IPCEF1: variants seen among roughly 807,000 people sequenced by gnomAD.
IPCEF1 encodes interaction protein for cytohesin exchange factors 1, also known as interactor protein for cytohesin exchange factors 1.
A neutral mutation model predicts 50.9 loss-of-function variants in IPCEF1; 31 were observed. The observed-to-expected ratio is 0.61, with a 90% CI of 0.46 to 0.82. The LOEUF is 0.82. Among genes scored for constraint, IPCEF1 ranks in the 40% least tolerant of loss-of-function variants. The pLI is 0.00. For synonymous variants in IPCEF1, 181 were observed against 192.0 expected (o/e 0.94, Z 0.47); for missense variants, 458 against 514.0 (o/e 0.89, Z 1.05).
chr6:154,180,995 C>T (rs1420703925), intron 10 of IPCEF1, among the ~76,000 whole-genome samples: 2 of 152,066 alleles, frequency 1.3e-5, no homozygotes, highest in African/African-American at 4.8e-5. Flanking sequence ...ACTATATAGT[C>T]ATTTGGGTAT....
intron 1 of IPCEF1, among the ~76,000 whole-genome samples, chr6:154,341,555 G>A (rs1421366368): frequency 1.3e-5 from 2 of 152,178 alleles, no homozygotes; most frequent in Non-Finnish European, 1.5e-5. Context: ...AACAAAACAC[G>A]CAGGAAGTTT....
chr6:154,238,940 AAG>A (rs1435063202), intron 5 of IPCEF1, among the ~76,000 whole-genome samples: 1 of 152,012 alleles, frequency 6.6e-6, no homozygotes, highest in East Asian at 1.9e-4. Flanking sequence ...TAAAAAAAAA[AAG>A]AAGTTGTGGA....
intron 2 of IPCEF1, among the ~76,000 whole-genome samples, chr6:154,278,521 A>G (rs1782121966): frequency 6.6e-6 from 1 of 152,020 alleles, no homozygotes. Context: ...AGCCAAGTCA[A>G]CCCCTCTCCA....
At chr6:154,225,749 G>T (rs1779199675) in intron 5 of IPCEF1, among the ~76,000 whole-genome samples, 1 of 152,182 alleles carries the variant, frequency 6.6e-6, no homozygotes, top group Non-Finnish European at 1.5e-5. Flanking sequence ...TAGGTTGTAT[G>T]ACTTTCATCT....
chr6:154,266,560 C>CTATATATATA (rs34187257), intron 2 of IPCEF1, among the ~76,000 whole-genome samples: 7,789 of 134,426 alleles, frequency 0.058, 319 homozygotes, highest in East Asian at 0.13. Context: ...CTTAATATTA[C>CTATATATATA]TATATATATA....
chr6:154,314,669 A>G (rs1037494045), intron 1 of IPCEF1, among the ~76,000 whole-genome samples: 4 of 152,292 alleles, frequency 2.6e-5, no homozygotes, highest in South Asian at 2.1e-4. Flanking sequence ...CATCTCCCCA[A>G]TTGATCTCAA....
intron 7 of IPCEF1, among the ~76,000 whole-genome samples, chr6:154,220,769 C>T (rs790266): frequency 0.47 from 71,148 of 152,074 alleles, 16,945 homozygotes; most frequent in Admixed American, 0.58. Flanking sequence ...GGAAATGGAG[C>T]TAGGGATCTA....
At chr6:154,204,659 C>A (rs893583780) in intron 9 of IPCEF1, among the ~76,000 whole-genome samples, 1 of 152,130 alleles carries the variant, frequency 6.6e-6, no homozygotes, top group Admixed American at 6.5e-5. Context: ...ATCCATGTGA[C>A]CTTGAAGAAG....
intron 1 of IPCEF1, among the ~76,000 whole-genome samples, chr6:154,326,860 A>C (rs549437859): frequency 6.6e-6 from 1 of 152,356 alleles, no homozygotes; most frequent in African/African-American, 2.4e-5. Flanking sequence ...CTGGTACAAG[A>C]ACAGACACAT....
chr6:154,316,803 G>A (rs973191164), intron 1 of IPCEF1, among the ~76,000 whole-genome samples: 2 of 152,080 alleles, frequency 1.3e-5, no homozygotes, highest in African/African-American at 4.8e-5. Context: ...GATTAGACAT[G>A]TTATTTAGTT....
chr6:154,354,450 C>T lies in IPCEF1; in HGVS notation c.-62+2222G>A, dbSNP rs368503050. On this transcript the variant is annotated intron_variant, in intron 1 of 11. Coordinates refer to ENST00000367220, the MANE Select transcript of IPCEF1 (RefSeq NM_001130700.2). ...CCACCTCCACCATCTCCTCCACCAC[C>T]ACCTCCACCATCTCCTCCACAACCA... Among the ~76,000 whole-genome samples the T allele has an allele frequency of 6.6e-5, 10 of 151,848 alleles. No individual in the cohort carries two copies. The East Asian group carries it at 1.4e-3, about 21-fold the overall frequency.
chr6:154,340,661 G>A (rs543009089), intron 1 of IPCEF1, among the ~76,000 whole-genome samples: 6 of 151,946 alleles, frequency 3.9e-5, no homozygotes, highest in African/African-American at 4.8e-5. Flanking sequence ...CGAGGTGGGC[G>A]GATTACCTGA....
At chr6:154,285,889 A>G (rs994687540) in intron 2 of IPCEF1, among the ~76,000 whole-genome samples, 12 of 152,226 alleles carry the variant, frequency 7.9e-5, no homozygotes, top group African/African-American at 2.7e-4. Context: ...GGTAACATAA[A>G]TCAAAATTAA....
At position 154,156,761 on chromosome 6, in the gene IPCEF1, C is replaced by T. The variant is rs1026677996; in HGVS notation, c.*3067G>A. ...TAAGAATTCTTTAAAGCAAAAGACGCCCTTGCAATGCAGGGCTCAGAGTGT... is the reference window on the plus strand; with the variant it reads ...TAAGAATTCTTTAAAGCAAAAGACGTCCTTGCAATGCAGGGCTCAGAGTGT... On this transcript the variant is annotated 3_prime_UTR_variant, in exon 12 of 12. Transcript: ENST00000367220. 1 of 152,210 alleles carries T rather than the reference C, an allele frequency of 6.6e-6. No individual in the cohort carries two copies. The highest frequency in any genetic ancestry group is 1.5e-5 in the Non-Finnish European group (1 of 68,060). The allele number at this position is 152,210 out of a possible 1,614,324, so 9.4% of individuals were successfully genotyped here. A position where few individuals can be genotyped will look rare whatever the true frequency, so the allele number is the denominator to read the frequency against.
chr6:154,245,737 C>T (rs1780980652), intron 5 of IPCEF1, among the ~76,000 whole-genome samples: 1 of 152,194 alleles, frequency 6.6e-6, no homozygotes, highest in Non-Finnish European at 1.5e-5. Context: ...TACAAAGGGA[C>T]TCACACTCTC....
Position 154,159,597 on chromosome 6 carries a change from A to C in IPCEF1, c.*231T>G. 1.5e-5 allele frequency: 8 copies of C among 529,150 alleles called. No homozygotes were observed. The Admixed American group carries it at 2.7e-4, about 18-fold the overall frequency. The allele number at this position is 529,150 out of a possible 1,614,324, so 32.8% of individuals were successfully genotyped here. Reference sequence around the variant, plus strand: ...TGAGCTCCCAGTAGGAACACAAAAAACGCCTTTCAACTGAACTCAATCATT... The same window carrying C: ...TGAGCTCCCAGTAGGAACACAAAAACCGCCTTTCAACTGAACTCAATCATT... On this transcript the variant is annotated 3_prime_UTR_variant, in exon 12 of 12. Transcript: ENST00000367220.
intron 2 of IPCEF1, among the ~76,000 whole-genome samples, chr6:154,276,334 T>G (rs79837392): frequency 1.3e-5 from 2 of 151,638 alleles, no homozygotes; most frequent in African/African-American, 2.4e-5. Flanking sequence ...AAGGAGGAAA[T>G]AAAAGATCAT....
intron 5 of IPCEF1, among the ~76,000 whole-genome samples, chr6:154,239,785 C>A (rs1228532673): frequency 2.0e-5 from 3 of 152,202 alleles, no homozygotes; most frequent in South Asian, 2.1e-4. Flanking sequence ...CTAACTGCAA[C>A]CTCCGCCTCC....
At chr6:154,326,444 A>G (rs931951355) in intron 1 of IPCEF1, among the ~76,000 whole-genome samples, 1 of 152,134 alleles carries the variant, frequency 6.6e-6, no homozygotes, top group Admixed American at 6.6e-5. Flanking sequence ...TAGCCAAATC[A>G]TGAATGAATT....
Sources: gnomAD v4.1 joint callset for allele counts (sites outside exome capture counted in the v4.1 genomes callset) on GRCh38, gnomAD v4.1.1 for gene constraint, MANE v1.5 for transcripts, NCBI Gene and HGNC (gene_info 2026-07-23, HGNC 2026-07-21) for gene names.